DNAH3: variants seen among roughly 807,000 people sequenced by gnomAD.
DNAH3 encodes the protein dynein axonemal heavy chain 3.
A neutral mutation model predicts 432.5 loss-of-function variants in DNAH3; 332 were observed. The ratio of observed to expected loss-of-function variants is 0.77; its 90% confidence interval spans 0.70 to 0.84. The LOEUF (loss-of-function observed/expected upper bound fraction) is 0.84, where lower values mean the gene tolerates loss of function less well. Ranked by LOEUF, DNAH3 falls within the 40% of genes least tolerant of loss-of-function variation. The probability of loss-of-function intolerance (pLI) is 0.00; values close to 1 mark genes in which losing one functional copy is unlikely to be tolerated. For synonymous variants in DNAH3, 1,956 were observed against 1,900.2 expected, an observed-to-expected ratio of 1.03 and a Z score of -0.76; for missense variants, 4,861 against 5,114.0, an observed-to-expected ratio of 0.95 and a Z score of 1.51.
At chr16:20,945,781 C>A (rs1001521121) in intron 57 of DNAH3, among the ~76,000 whole-genome samples, 1 of 152,294 alleles carries the variant, frequency 6.6e-6, no homozygotes, top group African/African-American at 2.4e-5. Context: ...TGAGCCACTG[C>A]GCCCGGCCTC....
At chr16:21,030,738 A>T (rs187866030) in intron 37 of DNAH3, among the ~76,000 whole-genome samples, 2 of 152,362 alleles carry the variant, frequency 1.3e-5, no homozygotes, top group East Asian at 3.9e-4. Context: ...TGAGATTCAG[A>T]GAAGTGATGT....
At position 21,024,673 on chromosome 16, in the gene DNAH3, G is replaced by C. The variant is rs763537091; in HGVS notation, c.5569C>G (p.Gln1857Glu). Reference sequence around the variant, plus strand: ...TCCTTCAGGGGCTTCCAGCCTAGTTGATGGGGCTCCATGTAGATCATCCCA... The same window carrying C: ...TCCTTCAGGGGCTTCCAGCCTAGTTCATGGGGCTCCATGTAGATCATCCCA... The change falls in exon 39 of 62, where the codon CAA becomes GAA. Residue 1857 changes from glutamine (Q) to glutamate (E), a missense_variant. Coordinates refer to ENST00000261383, the Ensembl canonical transcript of DNAH3. The C allele has an allele frequency of 5.0e-6, 8 of 1,613,744 alleles. No individual in the cohort carries two copies. The African/African-American group carries it at 8.0e-5, about 16-fold the overall frequency.
At chr16:20,986,953 T>A (rs944165673) in intron 47 of DNAH3, among the ~76,000 whole-genome samples, 3 of 152,236 alleles carry the variant, frequency 2.0e-5, no homozygotes, top group African/African-American at 4.8e-5. Context: ...TTGAGCTTTA[T>A]AGGACCTCAG....
intron 1 of DNAH3, among the ~76,000 whole-genome samples, chr16:21,147,548 A>G (rs2092801341): frequency 6.6e-6 from 1 of 152,198 alleles, no homozygotes; most frequent in Non-Finnish European, 1.5e-5. Context: ...CAAAATTCCA[A>G]AGAGAAATTC....
intron 31 of DNAH3, 120 bp downstream of exon 31, chr16:21,049,449 T>C: frequency 4.2e-6 from 3 of 714,184 alleles, no homozygotes; most frequent in South Asian, 1.8e-5. Context: ...GTACCTGCTT[T>C]GGAGGTTCTT....
intron 31 of DNAH3, among the ~76,000 whole-genome samples, chr16:21,045,742 T>G (rs1202984122): frequency 1.3e-5 from 2 of 151,654 alleles, no homozygotes; most frequent in East Asian, 1.9e-4. Flanking sequence ...GCTCTTGCTT[T>G]TCTAGTTCTT....
exon 1 of DNAH3, chr16:21,159,391 C>G (rs199539962): frequency 1.2e-6 from 2 of 1,614,132 alleles, no homozygotes; most frequent in Non-Finnish European, 8.5e-7. Flanking sequence ...AGGCTGGGCC[C>G]GGATGGGGAG....
At chr16:21,059,785 A>AG (rs2090279353) in intron 26 of DNAH3, among the ~76,000 whole-genome samples, 1 of 152,028 alleles carries the variant, frequency 6.6e-6, no homozygotes, top group East Asian at 1.9e-4. Context: ...CAAAAAAAAA[A>AG]AAAAAGAAGA....
chr16:21,145,899 A>G (rs1460524539), intron 2 of DNAH3, 85 bp downstream of exon 3: 1 of 898,590 alleles, frequency 1.1e-6, no homozygotes, highest in African/African-American at 1.6e-5. Flanking sequence ...ACCCTCATTG[A>G]GTACCTGCCA....
intron 51 of DNAH3, among the ~76,000 whole-genome samples, chr16:20,971,654 G>C (rs2085347570): frequency 6.6e-6 from 1 of 152,164 alleles, no homozygotes; most frequent in South Asian, 2.1e-4. Flanking sequence ...GGGTGTAGTG[G>C]GGCGTCCTGG....
exon 57 of DNAH3, chr16:20,948,540 G>C: frequency 1.2e-6 from 2 of 1,614,060 alleles, no homozygotes; most frequent in Non-Finnish European, 1.7e-6. Context: ...GGGAGTAATA[G>C]TCCTCCTCAA....
intron 1 of DNAH3, among the ~76,000 whole-genome samples, chr16:21,151,328 T>G (rs2092850945): frequency 1.3e-5 from 2 of 151,642 alleles, no homozygotes; most frequent in Non-Finnish European, 1.5e-5. Context: ...CCCGTTTTTT[T>G]TTTTTTTTTT....
chr16:21,136,572 T>TCCTG, intron 5 of DNAH3, 59 bp from the exon 7 acceptor site: 1 of 1,513,846 alleles, frequency 6.6e-7, no homozygotes, highest in South Asian at 1.1e-5. Context: ...GGTTCAACTG[T>TCCTG]CCTGCCCATC....
At chr16:20,977,661 C>T (rs1163326462) in intron 50 of DNAH3, among the ~76,000 whole-genome samples, 1 of 152,170 alleles carries the variant, frequency 6.6e-6, no homozygotes, top group African/African-American at 2.4e-5. Flanking sequence ...TGGACCACTC[C>T]CCAGGCTGTG....
intron 21 of DNAH3, 35 bp downstream of exon 21, chr16:21,075,412 C>T (rs1238586578): frequency 1.4e-6 from 2 of 1,438,640 alleles, no homozygotes; most frequent in East Asian, 4.5e-5. Flanking sequence ...AATGGGGCTG[C>T]TTTCAAAAGG....
chr16:20,962,762 A>T (rs532161953), intron 53 of DNAH3, among the ~76,000 whole-genome samples: 1 of 152,150 alleles, frequency 6.6e-6, no homozygotes, highest in African/African-American at 2.4e-5. Flanking sequence ...GGCTGAAGGG[A>T]TCCTCCTGCC....
At chr16:21,096,427 C>T (rs2091682347) in intron 18 of DNAH3, among the ~76,000 whole-genome samples, 1 of 152,042 alleles carries the variant, frequency 6.6e-6, no homozygotes, top group African/African-American at 2.4e-5. Context: ...CCACTGCACC[C>T]AGACAAGGAT....
rs199609553 is a variant in DNAH3 at position 20,979,593 on chromosome 16, G to A, written c.7860-47C>T. ...TTAGGCAGGACCCAACATCTTCCAG[G>A]GAGATCCAGTACAGCTTTAGTTATA... is the stretch of plus-strand genomic sequence containing the variant. On this transcript the variant is annotated intron_variant, in intron 49 of 61. Coordinates refer to ENST00000261383, the Ensembl canonical transcript of DNAH3. The A allele has an allele frequency of 7.3e-4, 1,132 of 1,548,934 alleles. 1 individual carries two copies. The highest frequency in any genetic ancestry group is 9.7e-4 in the Non-Finnish European group (1,089 of 1,121,766).
At chr16:20,980,341 A>G (rs949631216) in intron 49 of DNAH3, among the ~76,000 whole-genome samples, 2 of 112,002 alleles carry the variant, frequency 1.8e-5, no homozygotes, top group Non-Finnish European at 4.0e-5. Context: ...ATTATATTTT[A>G]TTATATTTAT....
Sources: gnomAD v4.1 joint callset for allele counts (sites outside exome capture counted in the v4.1 genomes callset) on GRCh38, gnomAD v4.1.1 for gene constraint, MANE v1.5 for transcripts, NCBI Gene and HGNC (gene_info 2026-07-23, HGNC 2026-07-21) for gene names.